FYCO1: variants seen among roughly 807,000 people sequenced by gnomAD.
FYCO1 encodes the protein FYVE and coiled-coil domain-containing protein 1.
In FYCO1, 122 loss-of-function variants were observed where a neutral mutation model predicts 165.1. The observed-to-expected ratio is 0.74, with a 90% CI of 0.64 to 0.86. The LOEUF (loss-of-function observed/expected upper bound fraction) is 0.86. FYCO1 is among the 40% of genes least tolerant of loss of function. FYCO1 has a pLI of 0.00. For missense variants in FYCO1, 1,702 were observed against 1,810.3 expected (o/e 0.94, Z 1.09); for synonymous variants, 648 against 742.5 (o/e 0.87, Z 2.07).
chr3:45,921,649 C>T lies in FYCO1; in HGVS notation c.*116G>A. 1.3e-6 allele frequency: 1 copy of T among 766,866 alleles called. No homozygotes were observed. The highest frequency in any genetic ancestry group is 1.4e-5 in the South Asian group (1 of 69,122). 47.5% of individuals were successfully genotyped at this position (766,866 alleles called of 1,614,324 possible). On this transcript the variant is annotated 3_prime_UTR_variant, in exon 18 of 18. Transcript: ENST00000296137. ...CCAGACACCGCCTCTGAGGGGCAGC[C>T]CAGGGGCTGAGTTGATGATTTTGGA...
chr3:45,921,935 G>A, intron 17 of FYCO1, 95 bp from the exon 18 acceptor site: 1 of 796,122 alleles, frequency 1.3e-6, no homozygotes, highest in East Asian at 2.6e-5. Context: ...TCACTGCAGT[G>A]ACCTGGCTGG....
intron 4 of FYCO1, among the ~76,000 whole-genome samples, chr3:45,978,527 G>A (rs1053384460): frequency 6.6e-6 from 1 of 152,294 alleles, no homozygotes; most frequent in East Asian, 1.9e-4. Context: ...TTCTCTATAA[G>A]AAGAAAGTCA....
In FYCO1 at chr3:45,921,661, T is replaced by G. The variant is rs1575321526; in HGVS notation, c.*104A>C. 6 of 815,122 alleles carry G rather than the reference T, an allele frequency of 7.4e-6. No individual in the cohort carries two copies. Among genetic ancestry groups the G allele is most frequent in the Non-Finnish European group, 1.3e-5 (6 of 468,552 alleles). 50.5% of individuals were successfully genotyped at this position (815,122 alleles called of 1,614,324 possible). Reference sequence around the variant, plus strand: ...TCTGAGGGGCAGCCCAGGGGCTGAGTTGATGATTTTGGAGCAGCTGACTTT... The same window carrying G: ...TCTGAGGGGCAGCCCAGGGGCTGAGGTGATGATTTTGGAGCAGCTGACTTT... On this transcript the variant is annotated 3_prime_UTR_variant, in exon 18 of 18. Transcript: ENST00000296137.
intron 2 of FYCO1, 23 bp downstream of exon 2, chr3:45,984,833 G>T: frequency 6.2e-7 from 1 of 1,614,016 alleles, no homozygotes; most frequent in Non-Finnish European, 8.5e-7. Flanking sequence ...ACCAAACTCA[G>T]CCTGCCCAGC....
In FYCO1 at chr3:45,936,433, G is replaced by C. The variant is rs1262005399; in HGVS notation, c.4040+15C>G. ...GCCACACCTGGGGAGGGCCCAGGCAGCAGTTGCCACTTACATCAGTTCTCC... is the reference window on the plus strand; with the variant it reads ...GCCACACCTGGGGAGGGCCCAGGCACCAGTTGCCACTTACATCAGTTCTCC... On this transcript the variant is annotated intron_variant, in intron 15 of 17. Coordinates refer to ENST00000296137, the MANE Select transcript of FYCO1 (RefSeq NM_024513.4). The C allele has an allele frequency of 6.3e-7, 1 of 1,592,648 alleles. No individual in the cohort carries two copies. Among genetic ancestry groups the C allele is most frequent in the East Asian group, 2.2e-5 (1 of 44,774 alleles).
chr3:45,980,905 T>C (rs760533368), intron 3 of FYCO1, among the ~76,000 whole-genome samples: 1 of 152,246 alleles, frequency 6.6e-6, no homozygotes, highest in African/African-American at 2.4e-5. Context: ...TTTAGTTGCA[T>C]GCATTTTTCC....
chr3:45,953,861 T>A (rs1705165477), intron 14 of FYCO1, among the ~76,000 whole-genome samples: 1 of 152,248 alleles, frequency 6.6e-6, no homozygotes, highest in South Asian at 2.1e-4. Flanking sequence ...AGTGGGTTTA[T>A]CTGCAGCTAA....
chr3:45,966,749 T>G lies in FYCO1; in HGVS notation c.2585A>C (p.Glu862Ala), dbSNP rs1706048228. The change falls in exon 8 of 18, where the codon GAG (glutamate) becomes GCG (alanine). Residue 862 changes from glutamate to alanine, a missense_variant. Coordinates refer to ENST00000296137, the MANE Select transcript of FYCO1 (RefSeq NM_024513.4). ...EGALQEERADEAQQREEELRA... is the reference protein window; with the variant it reads ...EGALQEERADAAQQREEELRA... The stretch of plus-strand genomic sequence containing the variant: ...CAGCTCCTCCTCCCTCTGCTGGGCC[T>G]CATCGGCCCTCTCCTCCTGCAGTGC... The G allele has an allele frequency of 1.2e-6, 2 of 1,610,880 alleles. No homozygotes were observed. The highest frequency in any genetic ancestry group is 2.2e-5 in the South Asian group (2 of 91,076).
At chr3:45,985,592 G>GGCA (rs1559468708) in intron 1 of FYCO1, among the ~76,000 whole-genome samples, 75 of 152,244 alleles carry the variant, frequency 4.9e-4, no homozygotes, top group African/African-American at 1.5e-3. Context: ...TTCGTCGTGA[G>GGCA]GCTTGAAGCC....
chr3:45,919,164 A>T lies in FYCO1; in HGVS notation c.*2601T>A, dbSNP rs1030785656. 2.0e-5 allele frequency: 3 copies of T among 151,950 alleles called. No homozygotes were observed. Among genetic ancestry groups the T allele is most frequent in the Admixed American group, 1.3e-4 (2 of 15,270 alleles). 9.4% of individuals were successfully genotyped at this position (151,950 alleles called of 1,614,324 possible). A position where few individuals can be genotyped will look rare whatever the true frequency, so the allele number is the denominator to read the frequency against. ...CAGTCTAGCCAGGGCTACCACCTGCAGCAGTGGTTCTTCAATTGCTATTTG... is the reference window on the plus strand; with the variant it reads ...CAGTCTAGCCAGGGCTACCACCTGCTGCAGTGGTTCTTCAATTGCTATTTG... On this transcript the variant is annotated 3_prime_UTR_variant, in exon 18 of 18. Transcript: ENST00000296137.
chr3:45,975,413 TAGATGGC>T (rs1706704630), intron 4 of FYCO1, 68 bp from the exon 5 acceptor site: 3 of 1,219,690 alleles, frequency 2.5e-6, no homozygotes, highest in East Asian at 4.7e-5. Context: ...CCTGGTCTCA[TAGATGGC>T]TTGTGAAACA....
intron 14 of FYCO1, among the ~76,000 whole-genome samples, chr3:45,937,670 C>A (rs529709866): frequency 1.3e-5 from 2 of 152,338 alleles, no homozygotes; most frequent in South Asian, 4.1e-4. Context: ...TTCCTGCCCA[C>A]AGCCTCCGCT....
intron 14 of FYCO1, among the ~76,000 whole-genome samples, chr3:45,953,912 A>G (rs1575355370): frequency 6.6e-6 from 1 of 152,224 alleles, no homozygotes; most frequent in Non-Finnish European, 1.5e-5. Context: ...GACAATTGCA[A>G]CTAAATCCGA....
Position 45,967,098 on chromosome 3 carries a change from C to A in FYCO1, c.2236G>T (p.Val746Phe). The A allele has an allele frequency of 6.2e-7, 1 of 1,614,048 alleles. No homozygotes were observed. Among genetic ancestry groups the A allele is most frequent in the Non-Finnish European group, 8.5e-7 (1 of 1,180,012 alleles). The change falls in exon 8 of 18, where the codon GTC becomes TTC. Residue 746 changes from valine to phenylalanine, a missense_variant. Coordinates refer to ENST00000296137, the MANE Select transcript of FYCO1 (RefSeq NM_024513.4). ...QCQQQTQLIE[V>F]LTAEKGQQGV... ...TGTTGGCCTTTCTCTGCTGTGAGGACCTCAATCAGCTGGGTCTGCTGCTGG... is the reference window on the plus strand; with the variant it reads ...TGTTGGCCTTTCTCTGCTGTGAGGAACTCAATCAGCTGGGTCTGCTGCTGG...
intron 4 of FYCO1, among the ~76,000 whole-genome samples, chr3:45,978,468 A>T (rs141454787): frequency 6.6e-6 from 1 of 152,286 alleles, no homozygotes; most frequent in African/African-American, 2.4e-5. Context: ...AGAGAGTGCA[A>T]ATGGTGGGAA....
At chr3:45,933,788 A>T (rs1703750740) in intron 15 of FYCO1, among the ~76,000 whole-genome samples, 1 of 152,192 alleles carries the variant, frequency 6.6e-6, no homozygotes, top group Admixed American at 6.5e-5. Context: ...GAGGAAAGAC[A>T]ATCAACAGAA....
At chr3:45,957,231 C>T (rs1183657889) in intron 13 of FYCO1, among the ~76,000 whole-genome samples, 2 of 152,182 alleles carry the variant, frequency 1.3e-5, no homozygotes, top group Non-Finnish European at 2.9e-5. Flanking sequence ...TCATACCTTG[C>T]ACCATACACA....
chr3:45,984,637 T>C (rs1707226237), intron 2 of FYCO1: 3 of 640,760 alleles, frequency 4.7e-6, no homozygotes, highest in Non-Finnish European at 5.6e-6. Flanking sequence ...GTTTACAAAC[T>C]GGCTTTACAG....
chr3:45,936,812 G>C (rs1703918976), intron 14 of FYCO1, among the ~76,000 whole-genome samples: 1 of 152,142 alleles, frequency 6.6e-6, no homozygotes, highest in Non-Finnish European at 1.5e-5. Context: ...CCTGCTATAG[G>C]AAGGGTGAGC....
Sources: allele counts gnomAD v4.1 joint callset (sites outside exome capture counted in the v4.1 genomes callset), GRCh38; gene constraint gnomAD v4.1.1; transcripts MANE v1.5; gene names NCBI Gene and HGNC (gene_info 2026-07-23, HGNC 2026-07-21).